Variants in MYO16 observed in about 807,000 individuals in gnomAD.
MYO16 encodes myosin XVI, also known as unconventional myosin-XVI.
A neutral mutation model predicts 205.3 loss-of-function variants in MYO16; 94 were observed. The ratio of observed to expected loss-of-function variants is 0.46; its 90% CI spans 0.39 to 0.54. MYO16 has a LOEUF of 0.54. Ranked by LOEUF, MYO16 falls within the 20% of genes least tolerant of loss-of-function variation. MYO16 has a pLI of 0.00. For synonymous variants in MYO16, 988 were observed against 954.0 expected, an observed-to-expected ratio of 1.04 and a Z score of -0.66; for missense variants, 2,315 against 2,387.5, an observed-to-expected ratio of 0.97 and a Z score of 0.63.
intron 28 of MYO16, among the ~76,000 whole-genome samples, chr13:109,107,595 G>A (rs964388064): frequency 1.3e-5 from 2 of 151,938 alleles, no homozygotes; most frequent in Admixed American, 6.6e-5. Flanking sequence ...TTATTAGTAC[G>A]ATAAATTAAT....
chr13:108,693,033 C>A (rs1882959242), intron 2 of MYO16, among the ~76,000 whole-genome samples: 1 of 152,028 alleles, frequency 6.6e-6, no homozygotes, highest in South Asian at 2.1e-4. Flanking sequence ...TTAATTATCC[C>A]CAAAGTTGCT....
intron 25 of MYO16, among the ~76,000 whole-genome samples, chr13:109,053,854 G>A (rs562530654): frequency 1.4e-4 from 21 of 152,136 alleles, no homozygotes; most frequent in African/African-American, 4.1e-4. Flanking sequence ...TGTAGAAAAC[G>A]GGTTGATCTT....
At chr13:108,819,998 T>G (rs1449416642) in intron 7 of MYO16, among the ~76,000 whole-genome samples, 1 of 152,228 alleles carries the variant, frequency 6.6e-6, no homozygotes, top group Non-Finnish European at 1.5e-5. Context: ...CAGTGTAACT[T>G]ACTTTAAAAT....
At chr13:108,710,222 T>C (rs1594230184) in intron 2 of MYO16, among the ~76,000 whole-genome samples, 2 of 152,188 alleles carry the variant, frequency 1.3e-5, no homozygotes, top group African/African-American at 4.8e-5. Context: ...ATACTACCTA[T>C]ATTAATAATT....
chr13:109,099,319 A>G (rs1235398927), intron 27 of MYO16, among the ~76,000 whole-genome samples: 1 of 152,234 alleles, frequency 6.6e-6, no homozygotes, highest in African/African-American at 2.4e-5. Context: ...AGCAAGTAAT[A>G]AGTCATTCGC....
intron 25 of MYO16, among the ~76,000 whole-genome samples, chr13:109,052,723 A>T (rs1042674423): frequency 6.6e-6 from 1 of 152,100 alleles, no homozygotes; most frequent in Non-Finnish European, 1.5e-5. Flanking sequence ...TCTGTGCAAC[A>T]TCCCAGTTCT....
chr13:108,542,734 A>C, the MYO16 span, among the ~76,000 whole-genome samples: 1 of 152,116 alleles, frequency 6.6e-6, no homozygotes, highest in African/African-American at 2.4e-5. Flanking sequence ...GATTTTCCCT[A>C]TAGTTTTGAA....
At chr13:108,978,915 T>C (rs990128643) in intron 20 of MYO16, among the ~76,000 whole-genome samples, 1 of 151,964 alleles carries the variant, frequency 6.6e-6, no homozygotes, top group African/African-American at 2.4e-5. Context: ...CTCACATATA[T>C]TTTCTGGAAT....
chr13:108,516,894 C>T, the MYO16 span, among the ~76,000 whole-genome samples: 1 of 151,582 alleles, frequency 6.6e-6, no homozygotes, highest in Non-Finnish European at 1.5e-5. Context: ...ATTTTGTTTT[C>T]TTTTTTTTCT....
chr13:108,659,323 T>G, intron 1 of MYO16: 1 of 364,598 alleles, frequency 2.7e-6, no homozygotes, highest in South Asian at 2.2e-5. Context: ...AATACACATA[T>G]ATACACACAC....
intron 6 of MYO16, among the ~76,000 whole-genome samples, chr13:108,798,446 T>C (rs1335337255): frequency 1.3e-5 from 2 of 152,142 alleles, no homozygotes; most frequent in Non-Finnish European, 2.9e-5. Flanking sequence ...ATATAACATA[T>C]CTCTTTTTAA....
intron 1 of MYO16, among the ~76,000 whole-genome samples, chr13:108,630,815 AATG>A (rs1241356770): frequency 1.3e-5 from 2 of 152,234 alleles, no homozygotes; most frequent in African/African-American, 4.8e-5. Flanking sequence ...CTAAAAAAAT[AATG>A]ATGATTGAGA....
At chr13:108,835,596 C>A (rs570907407) in intron 9 of MYO16, among the ~76,000 whole-genome samples, 1 of 152,076 alleles carries the variant, frequency 6.6e-6, no homozygotes, top group Non-Finnish European at 1.5e-5. Context: ...GAGAAGAAGA[C>A]AGGAAGATGA....
At chr13:108,865,610 T>A (rs1033838403) in intron 11 of MYO16, among the ~76,000 whole-genome samples, 1 of 152,056 alleles carries the variant, frequency 6.6e-6, no homozygotes, top group African/African-American at 2.4e-5. Flanking sequence ...GTATTTTAAT[T>A]GGAGTATTTG....
At chr13:108,538,984 C>G in the MYO16 span, among the ~76,000 whole-genome samples, 1 of 152,080 alleles carries the variant, frequency 6.6e-6, no homozygotes, top group Non-Finnish European at 1.5e-5. Flanking sequence ...TCAGTCTAAT[C>G]TATTGCATTT....
intron 14 of MYO16, among the ~76,000 whole-genome samples, chr13:108,897,080 A>T (rs752762069): frequency 3.3e-5 from 5 of 152,190 alleles, no homozygotes; most frequent in Non-Finnish European, 7.3e-5. Context: ...TCAAAAAAAC[A>T]CTATTAGAAA....
chr13:109,016,717 CCTT>C (rs757008820), intron 22 of MYO16, among the ~76,000 whole-genome samples: 13 of 152,026 alleles, frequency 8.6e-5, no homozygotes, highest in African/African-American at 1.2e-4. Context: ...TATGTAATGG[CCTT>C]CTTTGTCTCT....
intron 16 of MYO16, among the ~76,000 whole-genome samples, chr13:108,949,282 C>T (rs79990749): frequency 2.0e-5 from 3 of 152,032 alleles, no homozygotes; most frequent in South Asian, 2.1e-4. Flanking sequence ...AAGGGGAGTG[C>T]GAAGAACCAA....
chr13:108,607,251 G>T (rs140016566), intron 1 of MYO16, among the ~76,000 whole-genome samples: 3 of 152,148 alleles, frequency 2.0e-5, no homozygotes, highest in Non-Finnish European at 2.9e-5. Context: ...GTTTTGAAAC[G>T]TGAGAAATAT....
Sources: allele counts gnomAD v4.1 joint callset (sites outside exome capture counted in the v4.1 genomes callset), GRCh38; gene constraint gnomAD v4.1.1; transcripts MANE v1.5; gene names NCBI Gene and HGNC (gene_info 2026-07-23, HGNC 2026-07-21).